NXPE2: variants seen among roughly 807,000 people sequenced by gnomAD.
NXPE2 encodes NXPE family member 2.
A neutral mutation model predicts 34.4 loss-of-function variants in NXPE2; 34 were observed. The observed-to-expected ratio is 0.99, with a 90% CI of 0.75 to 1.31. The LOEUF (loss-of-function observed/expected upper bound fraction) is 1.31. Ranked by LOEUF, NXPE2 falls within the 40% of genes most tolerant of loss-of-function variation. The probability of loss-of-function intolerance (pLI) is 0.00; values close to 1 mark genes in which losing one functional copy is unlikely to be tolerated. For synonymous variants in NXPE2, 235 were observed against 231.3 expected, an observed-to-expected ratio of 1.02 and a Z score of -0.15; for missense variants, 649 against 672.5, an observed-to-expected ratio of 0.97 and a Z score of 0.39.
chr11:114,706,600 C>T lies in NXPE2; in HGVS notation c.1350C>T (p.Leu450=), dbSNP rs371794378. The change falls in exon 6 of 6, where the codon CTC becomes CTT. Residue 450 remains leucine (L), a synonymous_variant. Coordinates refer to ENST00000389586, the MANE Select transcript of NXPE2 (RefSeq NM_182495.6). The stretch of plus-strand genomic sequence containing the variant: ...AAAACACAGCCATTGTCATTACCCT[C>T]GGCCAACACTTCAGACCCTTTCCCA... ...GDKNTAIVIT[L]GQHFRPFPIN... is the part of the protein sequence containing the mutation. The T allele has an allele frequency of 8.1e-5, 126 of 1,551,740 alleles. No individual in the cohort carries two copies. The highest frequency in any genetic ancestry group is 3.6e-4 in the South Asian group (30 of 84,062).
At chr11:114,486,409 A>G in the NXPE2 span, among the ~76,000 whole-genome samples, 35 of 152,340 alleles carry the variant, frequency 2.3e-4, no homozygotes, top group East Asian at 6.8e-3. Context: ...ATGCCTTGTC[A>G]GGTGAGTAGG....
chr11:114,720,560 A>T, the NXPE2 span, among the ~76,000 whole-genome samples: 2 of 152,200 alleles, frequency 1.3e-5, no homozygotes, highest in African/African-American at 2.4e-5. Flanking sequence ...GCTGCTAAAC[A>T]CTTGAAATGT....
At chr11:114,786,695 A>G in the NXPE2 span, among the ~76,000 whole-genome samples, 1 of 152,160 alleles carries the variant, frequency 6.6e-6, no homozygotes, top group Non-Finnish European at 1.5e-5. Context: ...AGAAACACCC[A>G]TATCATTGTT....
the NXPE2 span, among the ~76,000 whole-genome samples, chr11:114,559,336 G>A: frequency 5.9e-5 from 9 of 152,106 alleles, no homozygotes; most frequent in African/African-American, 4.8e-5. Context: ...GATCTCTCCC[G>A]TATTTTGAAT....
intron 4 of NXPE2, among the ~76,000 whole-genome samples, chr11:114,705,137 G>A (rs945849393): frequency 6.6e-6 from 1 of 152,194 alleles, no homozygotes; most frequent in Non-Finnish European, 1.5e-5. Context: ...ATAGGAGTCA[G>A]TAAATACAGT....
chr11:114,761,675 G>A, the NXPE2 span, among the ~76,000 whole-genome samples: 5 of 145,342 alleles, frequency 3.4e-5, no homozygotes, highest in East Asian at 2.2e-4. Flanking sequence ...CCGGGTTCAC[G>A]CCATTCTCCT....
At chr11:114,656,803 T>A in the NXPE2 span, among the ~76,000 whole-genome samples, 1 of 152,046 alleles carries the variant, frequency 6.6e-6, no homozygotes, top group Non-Finnish European at 1.5e-5. Flanking sequence ...TAACTAGTAG[T>A]AGTAGTGTTT....
the NXPE2 span, among the ~76,000 whole-genome samples, chr11:114,736,332 A>G: frequency 1.3e-5 from 2 of 152,182 alleles, no homozygotes; most frequent in African/African-American, 2.4e-5. Flanking sequence ...TCGATCATAG[A>G]AGATGGCCAC....
the NXPE2 span, among the ~76,000 whole-genome samples, chr11:114,639,106 G>C: frequency 1.3e-5 from 2 of 152,172 alleles, no homozygotes; most frequent in African/African-American, 4.8e-5. Context: ...TCCTTGAGCT[G>C]TGGTGGGCTC....
In NXPE2 at chr11:114,696,340, C is replaced by CAA. The variant is rs773266644; in HGVS notation, c.133-1687_133-1686dup. Among the ~76,000 whole-genome samples, 300 of 64,572 alleles carry CAA rather than the reference C, an allele frequency of 4.6e-3. 12 individuals carry two copies. Among genetic ancestry groups the CAA allele is most frequent in the African/African-American group, 0.02 (282 of 14,184 alleles). The allele number at this position is 64,572 out of a possible 152,430, so 42.4% of individuals were successfully genotyped here. On this transcript the variant is annotated intron_variant, in intron 2 of 5. Coordinates refer to ENST00000389586, the MANE Select transcript of NXPE2 (RefSeq NM_182495.6). ...GAGTGAGACTCCATATCAAAAAAAC[C>CAA]AAAAAAAAAAAAAAAAAAAGAAAGA... is the stretch of plus-strand genomic sequence containing the variant.
intron 3 of NXPE2, among the ~76,000 whole-genome samples, chr11:114,699,867 C>T (rs1951332923): frequency 6.6e-6 from 1 of 151,110 alleles, no homozygotes; most frequent in Non-Finnish European, 1.5e-5. Context: ...GATCTCGGCT[C>T]ACTGCAACCT....
At chr11:114,614,731 C>T in the NXPE2 span, among the ~76,000 whole-genome samples, 1,932 of 146,240 alleles carry the variant, frequency 0.013, 27 homozygotes, top group African/African-American at 0.041. Context: ...TTGCCTCCTG[C>T]GTAACCAGTG....
chr11:114,699,733 T>C (rs1219261147), intron 3 of NXPE2, among the ~76,000 whole-genome samples: 1 of 152,198 alleles, frequency 6.6e-6, no homozygotes, highest in Non-Finnish European at 1.5e-5. Flanking sequence ...ATATTTTTAA[T>C]ATCCTCTGTT....
chr11:114,739,306 T>C, the NXPE2 span, among the ~76,000 whole-genome samples: 2 of 47,882 alleles, frequency 4.2e-5, no homozygotes, highest in African/African-American at 7.0e-5. Context: ...CTTCCTTCCT[T>C]CCTTCCTTCC....
chr11:114,481,086 G>T, the NXPE2 span, among the ~76,000 whole-genome samples: 1 of 152,168 alleles, frequency 6.6e-6, no homozygotes, highest in Non-Finnish European at 1.5e-5. Flanking sequence ...TTGTGCTGTT[G>T]TGTCCACAAA....
At chr11:114,662,103 T>G in the NXPE2 span, among the ~76,000 whole-genome samples, 3 of 152,114 alleles carry the variant, frequency 2.0e-5, 1 homozygote, top group South Asian at 4.2e-4. Context: ...AGTACCTCAT[T>G]TTAACTCCAT....
At chr11:114,522,637 A>G in the NXPE2 span, 10 of 769,692 alleles carry the variant, frequency 1.3e-5, no homozygotes, top group African/African-American at 1.8e-4. Flanking sequence ...TCTAGGGTAC[A>G]GTACCCCCAG....
the NXPE2 span, among the ~76,000 whole-genome samples, chr11:114,779,568 CGG>C: frequency 3.3e-5 from 5 of 152,102 alleles, no homozygotes; most frequent in African/African-American, 1.2e-4. Context: ...TTTGATGTTG[CGG>C]GGACTTCTGC....
At chr11:114,662,875 C>T in the NXPE2 span, among the ~76,000 whole-genome samples, 27 of 152,238 alleles carry the variant, frequency 1.8e-4, no homozygotes, top group South Asian at 8.3e-4. Context: ...AGAGCACTTG[C>T]GCCTTGAATA....
Sources: gnomAD v4.1 joint callset for allele counts (sites outside exome capture counted in the v4.1 genomes callset) on GRCh38, gnomAD v4.1.1 for gene constraint, MANE v1.5 for transcripts, NCBI Gene and HGNC (gene_info 2026-07-23, HGNC 2026-07-21) for gene names.